Variants in DNAI7 observed in about 807,000 individuals in gnomAD.
DNAI7 encodes cancer susceptibility 1.
DNAI7 carries 78 observed loss-of-function variants against 86.6 expected under a neutral mutation model. The observed-to-expected ratio is 0.90, with a 90% CI of 0.75 to 1.09. The LOEUF (loss-of-function observed/expected upper bound fraction) is 1.09. DNAI7 is among the 50% of genes least tolerant of loss of function. The pLI, the probability that DNAI7 is intolerant of heterozygous loss-of-function variation, is 0.00. For synonymous variants in DNAI7, 274 were observed against 273.0 expected (o/e 1.00, Z -0.04); for missense variants, 753 against 810.2 (o/e 0.93, Z 0.86).
chr12:25,130,193 T>C (rs1366151513), intron 9 of DNAI7, among the ~76,000 whole-genome samples: 1 of 152,214 alleles, frequency 6.6e-6, no homozygotes, highest in East Asian at 1.9e-4. Context: ...CCCTTATCAA[T>C]AGCAGGTATT....
chr12:25,111,965 T>C (rs760324270), intron 13 of DNAI7, 26 bp from the exon 14 acceptor site: 1 of 1,493,550 alleles, frequency 6.7e-7, no homozygotes, highest in Non-Finnish European at 9.1e-7. Context: ...AAAAAGAAGC[T>C]TTTATGTAAG....
Position 25,174,613 on chromosome 12 carries a change from A to G in DNAI7, c.22-13416T>C, listed in dbSNP as rs191247422. Among the ~76,000 whole-genome samples the G allele has an allele frequency of 1.6e-5, 2 of 125,434 alleles. 1 individual carries two copies. The highest frequency in any genetic ancestry group is 3.2e-5 in the Non-Finnish European group (2 of 63,256). The allele number at this position is 125,434 out of a possible 152,430, so 82.3% of individuals were successfully genotyped here. A position where few individuals can be genotyped will look rare whatever the true frequency, so the allele number is the denominator to read the frequency against. On this transcript the variant is annotated intron_variant, in intron 2 of 15. Transcript: ENST00000395987. ...TATGGGATATATATATGATATATAT[A>G]TCATATATATGGGATATATATCATA...
chr12:25,167,153 A>G (rs1947576068), intron 2 of DNAI7, among the ~76,000 whole-genome samples: 1 of 152,158 alleles, frequency 6.6e-6, no homozygotes, highest in South Asian at 2.1e-4. Flanking sequence ...TAATCGCCAC[A>G]CACCACCAAA....
At chr12:25,194,903 G>A (rs1240543551) in intron 1 of DNAI7, 173 bp downstream of exon 1, 2 of 1,614,138 alleles carry the variant, frequency 1.2e-6, no homozygotes, top group Non-Finnish European at 1.7e-6. Flanking sequence ...CCTGGTCCAG[G>A]TAAGGAAAGC....
At chr12:25,179,291 C>G (rs1187482930) in intron 2 of DNAI7, among the ~76,000 whole-genome samples, 3 of 152,092 alleles carry the variant, frequency 2.0e-5, no homozygotes, top group Non-Finnish European at 2.9e-5. Context: ...TCATAGTATA[C>G]TAGCAATTTT....
chr12:25,112,467 T>G (rs538108576), intron 13 of DNAI7, among the ~76,000 whole-genome samples: 3 of 140,264 alleles, frequency 2.1e-5, no homozygotes, highest in East Asian at 2.1e-4. Flanking sequence ...AGTGCAGTGG[T>G]GTGATCTTGG....
intron 9 of DNAI7, among the ~76,000 whole-genome samples, chr12:25,129,909 C>T (rs1224910505): frequency 2.0e-5 from 3 of 151,956 alleles, no homozygotes; most frequent in Non-Finnish European, 4.4e-5. Context: ...ATTACAGGTA[C>T]CTGCCACCAT....
In DNAI7 at chr12:25,124,924, C is replaced by T. The variant is rs960980997; in HGVS notation, c.1003-1638G>A. Reference sequence around the variant, plus strand: ...TGCTAAGGATAATAGCCTTCAGCTCCACCCACGTTCCTGCAAAAGACACGA... The same window carrying T: ...TGCTAAGGATAATAGCCTTCAGCTCTACCCACGTTCCTGCAAAAGACACGA... On this transcript the variant is annotated intron_variant, in intron 9 of 15. Coordinates refer to ENST00000395987, the MANE Select transcript of DNAI7 (RefSeq NM_018272.5). Among the ~76,000 whole-genome samples, 3 of 122,714 alleles carry T rather than the reference C, an allele frequency of 2.4e-5. No individual in the cohort carries two copies. In the Admixed American group the frequency reaches 2.6e-4, roughly 11 times the overall value. 80.5% of individuals were successfully genotyped at this position (122,714 alleles called of 152,430 possible).
intron 15 of DNAI7, among the ~76,000 whole-genome samples, chr12:25,109,257 C>T (rs144267208): frequency 6.6e-6 from 1 of 152,288 alleles, no homozygotes; most frequent in East Asian, 1.9e-4. Flanking sequence ...AAATATTCAT[C>T]AGCTTTTAGA....
At chr12:25,161,333 G>T in intron 2 of DNAI7, 136 bp from the exon 3 acceptor site, 1 of 732,174 alleles carries the variant, frequency 1.4e-6, no homozygotes. Flanking sequence ...CAACAAATAA[G>T]ACTGCCTCTT....
chr12:25,179,005 T>C (rs1949249812), intron 2 of DNAI7, among the ~76,000 whole-genome samples: 1 of 152,148 alleles, frequency 6.6e-6, no homozygotes, highest in South Asian at 2.1e-4. Context: ...GCCTTTTTTC[T>C]TCTTCTAATA....
At chr12:25,128,085 A>G (rs1942390785) in intron 9 of DNAI7, among the ~76,000 whole-genome samples, 1 of 152,250 alleles carries the variant, frequency 6.6e-6, no homozygotes, top group Non-Finnish European at 1.5e-5. Flanking sequence ...TATGAAACTG[A>G]TGCCAACAAT....
Position 25,174,551 on chromosome 12 carries a change from G to C in DNAI7, c.22-13354C>G, listed in dbSNP as rs201735270. Among the ~76,000 whole-genome samples, 41 of 4,774 alleles carry C rather than the reference G, an allele frequency of 8.6e-3. 3 individuals are homozygous for C. Among genetic ancestry groups the C allele is most frequent in the Non-Finnish European group, 0.01 (30 of 2,960 alleles). 3.1% of individuals were successfully genotyped at this position (4,774 alleles called of 152,430 possible). A position where few individuals can be genotyped will look rare whatever the true frequency, so the allele number is the denominator to read the frequency against. On this transcript the variant is annotated intron_variant, in intron 2 of 15. Coordinates refer to ENST00000395987, the MANE Select transcript of DNAI7 (RefSeq NM_018272.5). ...TATCATATATATGGGATATATATATGATATATATATCATATATATGGGATA... is the reference window on the plus strand; with the variant it reads ...TATCATATATATGGGATATATATATCATATATATATCATATATATGGGATA...
At chr12:25,108,910 A>T (rs530468285) in intron 15 of DNAI7, 87 bp from the exon 16 acceptor site, 1 of 799,946 alleles carries the variant, frequency 1.3e-6, no homozygotes, top group East Asian at 2.8e-5. Flanking sequence ...GAAGGGCTCA[A>T]TTTATCCCCC....
chr12:25,189,230 T>C (rs1229462555), intron 2 of DNAI7, among the ~76,000 whole-genome samples: 1 of 152,126 alleles, frequency 6.6e-6, no homozygotes, highest in East Asian at 1.9e-4. Context: ...GTGCTAAACA[T>C]TATGGATGTA....
At chr12:25,130,266 G>A (rs544253287) in intron 9 of DNAI7, among the ~76,000 whole-genome samples, 147 of 152,146 alleles carry the variant, frequency 9.7e-4, no homozygotes, top group Non-Finnish European at 1.7e-3. Flanking sequence ...GGCCGGGCGC[G>A]GTGGCTCACG....
At chr12:25,146,263 A>G (rs1471264883) in intron 8 of DNAI7, among the ~76,000 whole-genome samples, 1 of 70,048 alleles carries the variant, frequency 1.4e-5, no homozygotes, top group Non-Finnish European at 3.3e-5. Flanking sequence ...TTTAAGTCAC[A>G]AAGATACATT....
intron 2 of DNAI7, among the ~76,000 whole-genome samples, chr12:25,175,686 T>C (rs1413084162): frequency 6.6e-6 from 1 of 152,168 alleles, no homozygotes; most frequent in Admixed American, 6.6e-5. Flanking sequence ...CTTTTTATCA[T>C]GAGTTTAAAT....
chr12:25,133,696 AG>A (rs1339388969), intron 9 of DNAI7, among the ~76,000 whole-genome samples: 7 of 152,222 alleles, frequency 4.6e-5, no homozygotes, highest in Non-Finnish European at 7.3e-5. Context: ...GATAGAGCAC[AG>A]ATACATAAGC....
Sources: gnomAD v4.1 joint callset for allele counts (sites outside exome capture counted in the v4.1 genomes callset) on GRCh38, gnomAD v4.1.1 for gene constraint, MANE v1.5 for transcripts, NCBI Gene and HGNC (gene_info 2026-07-23, HGNC 2026-07-21) for gene names.